Variants in RORA observed in about 807,000 individuals in gnomAD.
The protein encoded by RORA is nuclear receptor ROR-alpha.
In RORA, 7 loss-of-function variants were observed where a neutral mutation model predicts 69.5. That is an observed-to-expected ratio of 0.10 (90% CI 0.06 to 0.19). The LOEUF (loss-of-function observed/expected upper bound fraction) is 0.19, where lower values mean the gene tolerates loss of function less well. Ranked by LOEUF, RORA falls within the 10% of genes least tolerant of loss-of-function variation. RORA has a pLI of 1.00. For missense variants in RORA, 457 were observed against 663.0 expected (o/e 0.69, Z 3.41); for synonymous variants, 261 against 240.8 (o/e 1.08, Z -0.78).
In RORA at chr15:60,920,956, G is replaced by C. The variant is rs544321736; in HGVS notation, c.167-242270C>G. ...GCCTTGAAGGTCTGGATTGGGCCTTGGGGCTCATGATCAACCCAGGACCAG... is the reference window on the plus strand; with the variant it reads ...GCCTTGAAGGTCTGGATTGGGCCTTCGGGCTCATGATCAACCCAGGACCAG... On this transcript the variant is annotated intron_variant, in intron 1 of 10. Coordinates refer to ENST00000335670, the MANE Select transcript of RORA (RefSeq NM_134261.3). Among the ~76,000 whole-genome samples the C allele has an allele frequency of 2.0e-5, 3 of 152,246 alleles. No homozygotes were observed. The East Asian group carries it at 5.8e-4, about 29-fold the overall frequency.
Position 60,537,443 on chromosome 15 carries a change from C to T in RORA, c.197-5592G>A, listed in dbSNP as rs1167703698. On this transcript the variant is annotated intron_variant, in intron 2 of 10. Coordinates refer to ENST00000335670, the MANE Select transcript of RORA (RefSeq NM_134261.3). This position sits in a 1 kb window ranked among gnomAD's most constrained non-coding sequence, Gnocchi z 4.9. ...TCAAACCCTCCTTCCAGGGGTAGTGCCCCTTCTCTACAGTGCTAGGAGTGG... is the reference window on the plus strand; with the variant it reads ...TCAAACCCTCCTTCCAGGGGTAGTGTCCCTTCTCTACAGTGCTAGGAGTGG... Among the ~76,000 whole-genome samples the T allele has an allele frequency of 2.9e-5, 4 of 138,898 alleles. No homozygotes were observed. Among genetic ancestry groups the T allele is most frequent in the Non-Finnish European group, 5.9e-5 (4 of 67,988 alleles). The allele number at this position is 138,898 out of a possible 152,430, so 91.1% of individuals were successfully genotyped here.
At chr15:61,088,832 G>C (rs1032733463) in intron 1 of RORA, among the ~76,000 whole-genome samples, 1 of 152,118 alleles carries the variant, frequency 6.6e-6, no homozygotes. Flanking sequence ...AATAATGATG[G>C]AAGAAGCCAT....
At chr15:60,802,889 G>GA (rs2072606049) in intron 1 of RORA, among the ~76,000 whole-genome samples, 2 of 151,590 alleles carry the variant, frequency 1.3e-5, no homozygotes, top group African/African-American at 4.9e-5. Flanking sequence ...CTGTGTTCCA[G>GA]AAAAAATAAA....
intron 1 of RORA, among the ~76,000 whole-genome samples, chr15:60,801,531 T>A (rs1280716177): frequency 1.3e-5 from 2 of 152,180 alleles, no homozygotes; most frequent in African/African-American, 4.8e-5. Flanking sequence ...TTGCTCTGTA[T>A]CCCCATGCCA....
chr15:60,907,784 C>T (rs1193615529), intron 1 of RORA, among the ~76,000 whole-genome samples: 1 of 152,178 alleles, frequency 6.6e-6, no homozygotes. Flanking sequence ...CCCTCCACTT[C>T]CCATGTGTCA....
rs559307786 is a variant in RORA, at chr15:60,973,366, C to G, written c.166+255687G>C. 7.9e-4 allele frequency among the ~76,000 whole-genome samples: 120 copies of G among 152,284 alleles called. 1 individual carries two copies. The highest frequency in any genetic ancestry group is 6.8e-3 in the Middle Eastern group (2 of 294). ...CAGTATTTAAGCACTTGCTTATCTC[C>G]TGATTCAGGAGCCACTGACTTTTTC... On this transcript the variant is annotated intron_variant, in intron 1 of 10. Coordinates refer to ENST00000335670, the MANE Select transcript of RORA (RefSeq NM_134261.3).
At position 60,495,740 on chromosome 15, in the gene RORA, C is replaced by T. The variant is rs1294244932; in HGVS notation, c.*1715G>A. Reference sequence around the variant, plus strand: ...CTTTGACCAGTAGTTTGAATCCCACCCCTAGTGCGACTAAAATCATCGTCT... The same window carrying T: ...CTTTGACCAGTAGTTTGAATCCCACTCCTAGTGCGACTAAAATCATCGTCT... On this transcript the variant is annotated 3_prime_UTR_variant, in exon 11 of 11. Transcript: ENST00000335670. The T allele has an allele frequency of 1.3e-5, 2 of 151,912 alleles. No homozygotes were observed. Among genetic ancestry groups the T allele is most frequent in the African/African-American group, 4.8e-5 (2 of 41,422 alleles). The allele number at this position is 151,912 out of a possible 1,614,324, so 9.4% of individuals were successfully genotyped here. A position where few individuals can be genotyped will look rare whatever the true frequency, so the allele number is the denominator to read the frequency against.
intron 2 of RORA, among the ~76,000 whole-genome samples, chr15:60,532,889 C>T (rs962167772): frequency 6.6e-6 from 1 of 152,210 alleles, no homozygotes; most frequent in Non-Finnish European, 1.5e-5. Context: ...ACAAACACAA[C>T]TGCAAGTGCC....
chr15:60,598,392 T>C (rs796853430), intron 2 of RORA: 2 of 152,324 alleles, frequency 1.3e-5, no homozygotes, highest in African/African-American at 4.8e-5. Flanking sequence ...TGTGAGAATT[T>C]TCTTCCGCTT....
At chr15:61,091,119 A>G (rs1422952026) in intron 1 of RORA, among the ~76,000 whole-genome samples, 1 of 152,162 alleles carries the variant, frequency 6.6e-6, no homozygotes, top group Non-Finnish European at 1.5e-5. Flanking sequence ...ATTAGTTCTT[A>G]ATAATACTTT....
intron 1 of RORA, among the ~76,000 whole-genome samples, chr15:61,112,609 T>A (rs1179733302): frequency 6.6e-6 from 1 of 152,090 alleles, no homozygotes; most frequent in Non-Finnish European, 1.5e-5. Context: ...ACAGAGCAGG[T>A]GAGTAATAAC....
intron 1 of RORA, among the ~76,000 whole-genome samples, chr15:61,045,448 A>T (rs1896973815): frequency 6.6e-6 from 1 of 152,172 alleles, no homozygotes; most frequent in South Asian, 2.1e-4. Context: ...CACTTTAATG[A>T]CTGAGAAGCT....
At chr15:61,089,737 C>T (rs1024977060) in intron 1 of RORA, among the ~76,000 whole-genome samples, 1 of 152,158 alleles carries the variant, frequency 6.6e-6, no homozygotes, top group African/African-American at 2.4e-5. Context: ...CCAGCTGCAG[C>T]AAAAACCATC....
chr15:61,052,615 A>G (rs902833867), intron 1 of RORA, among the ~76,000 whole-genome samples: 3 of 152,226 alleles, frequency 2.0e-5, no homozygotes, highest in African/African-American at 7.2e-5. Context: ...GTTTCTACAC[A>G]TCACCAATTC....
At chr15:60,957,327 C>T (rs2140339572) in intron 1 of RORA, among the ~76,000 whole-genome samples, 1 of 152,288 alleles carries the variant, frequency 6.6e-6, no homozygotes, top group African/African-American at 2.4e-5. Flanking sequence ...TCTCAGCAAC[C>T]ACATTCAGGA....
intron 10 of RORA, 74 bp downstream of exon 10, chr15:60,499,818 A>G: frequency 1.3e-6 from 1 of 791,854 alleles, no homozygotes; most frequent in Non-Finnish European, 2.1e-6. Context: ...TATGACTTAC[A>G]TGACCATATT....
intron 1 of RORA, among the ~76,000 whole-genome samples, chr15:61,026,586 C>T (rs1895827297): frequency 1.3e-5 from 2 of 152,142 alleles, no homozygotes; most frequent in South Asian, 4.1e-4. Context: ...TGGTCTATGT[C>T]ATATATAATA....
intron 1 of RORA, among the ~76,000 whole-genome samples, chr15:60,869,928 A>G (rs78677136): frequency 2.0e-5 from 3 of 152,308 alleles, no homozygotes; most frequent in East Asian, 1.9e-4. Context: ...TGCACCACTC[A>G]GAATTCATAA....
At chr15:61,197,681 C>A (rs188572694) in intron 1 of RORA, among the ~76,000 whole-genome samples, 3 of 152,320 alleles carry the variant, frequency 2.0e-5, no homozygotes. Context: ...ATATCAATCC[C>A]ATGGGCCATG....
Sources: gnomAD v4.1 joint callset for allele counts (sites outside exome capture counted in the v4.1 genomes callset) on GRCh38, gnomAD v4.1.1 for gene constraint, Gnocchi (gnomAD v3.1) non-coding constraint, MANE v1.5 for transcripts, NCBI Gene and HGNC (gene_info 2026-07-23, HGNC 2026-07-21) for gene names.